ATP10A: variants seen among roughly 807,000 people sequenced by gnomAD.
ATP10A encodes ATPase phospholipid transporting 10A (putative).
A neutral mutation model predicts 147.8 loss-of-function variants in ATP10A; 111 were observed. The observed-to-expected ratio is 0.75, with a 90% CI of 0.64 to 0.88. The LOEUF is 0.88. ATP10A is among the 40% of genes least tolerant of loss of function. The probability of loss-of-function intolerance (pLI) is 0.00; values close to 1 mark genes in which losing one functional copy is unlikely to be tolerated. For synonymous variants in ATP10A, 875 were observed against 841.6 expected (o/e 1.04, Z -0.69); for missense variants, 1,927 against 1,959.0 (o/e 0.98, Z 0.31).
intron 1 of ATP10A, among the ~76,000 whole-genome samples, chr15:25,840,291 C>T (rs1892758861): frequency 6.6e-6 from 1 of 152,036 alleles, no homozygotes; most frequent in African/African-American, 2.4e-5. Context: ...ATTTCATCAC[C>T]CAGGTATTAA....
At chr15:25,750,607 T>A (rs904762344) in intron 2 of ATP10A, among the ~76,000 whole-genome samples, 1 of 152,174 alleles carries the variant, frequency 6.6e-6, no homozygotes, top group Non-Finnish European at 1.5e-5. Flanking sequence ...GCTCTTTTTA[T>A]GAGCATGGGT....
intron 13 of ATP10A, among the ~76,000 whole-genome samples, chr15:25,699,763 G>A (rs1421699839): frequency 2.0e-5 from 3 of 152,152 alleles, no homozygotes; most frequent in Non-Finnish European, 4.4e-5. Flanking sequence ...AGGTACTAGG[G>A]ATGCTGAGGC....
chr15:25,716,982 G>A, intron 8 of ATP10A, 58 bp from the exon 9 acceptor site: 1 of 1,388,360 alleles, frequency 7.2e-7, no homozygotes, highest in Admixed American at 2.6e-5. Flanking sequence ...AGGATCTTGG[G>A]GCGTGACTAT....
intron 1 of ATP10A, among the ~76,000 whole-genome samples, chr15:25,784,507 C>A (rs1296714631): frequency 1.3e-5 from 2 of 152,186 alleles, no homozygotes; most frequent in Non-Finnish European, 2.9e-5. Flanking sequence ...AGGAGATTCC[C>A]CCCTGAGGAC....
intron 16 of ATP10A, among the ~76,000 whole-genome samples, chr15:25,684,247 T>C (rs1899587852): frequency 6.6e-6 from 1 of 152,212 alleles, no homozygotes; most frequent in Non-Finnish European, 1.5e-5. Flanking sequence ...TATTGCTAGA[T>C]TCCTGAATAT....
At chr15:25,765,110 C>A (rs1888953966) in intron 2 of ATP10A, among the ~76,000 whole-genome samples, 1 of 152,156 alleles carries the variant, frequency 6.6e-6, no homozygotes. Context: ...GGTGAAGGAT[C>A]TCTGGGGAGC....
intron 2 of ATP10A, among the ~76,000 whole-genome samples, chr15:25,763,858 C>T (rs1888886154): frequency 6.6e-6 from 1 of 152,172 alleles, no homozygotes; most frequent in Non-Finnish European, 1.5e-5. Context: ...TTATTTAGAG[C>T]TTTTCAAAAG....
intron 15 of ATP10A, 113 bp downstream of exon 15, chr15:25,691,602 C>A (rs1363755166): frequency 2.8e-6 from 3 of 1,073,042 alleles, no homozygotes; most frequent in Non-Finnish European, 2.9e-6. Context: ...AAGGGCAAAC[C>A]CTTTAGCCTC....
At chr15:25,725,165 C>G (rs1373680051) in intron 5 of ATP10A, among the ~76,000 whole-genome samples, 2 of 152,132 alleles carry the variant, frequency 1.3e-5, no homozygotes, top group African/African-American at 4.8e-5. Context: ...GTGAATTGTG[C>G]ATGGGAGGGA....
chr15:25,718,365 C>G lies in ATP10A; in HGVS notation c.1398G>C (p.Ser466=). 6.2e-7 allele frequency: 1 copy of G among 1,607,790 alleles called. No homozygotes were observed. Among genetic ancestry groups the G allele is most frequent in the Non-Finnish European group, 8.5e-7 (1 of 1,178,826 alleles). Residue 466 remains serine (S), a synonymous_variant, in exon 8 of 21, where the codon TCG becomes TCC. Transcript: ENST00000555815. ...CTCTGGGCACCACCTCCTCCTCCTCCGAGTCTGCCTCTTGGTACCTGGCCA... is the reference window on the plus strand; with the variant it reads ...CTCTGGGCACCACCTCCTCCTCCTCGGAGTCTGCCTCTTGGTACCTGGCCA... ...QRLARYQEAD[S]EEEEVVPRGG... is the part of the protein sequence containing the mutation.
rs762118896 is a variant in ATP10A, at chr15:25,781,077, T to A, written c.596A>T (p.Asn199Ile). 6.2e-7 allele frequency: 1 copy of A among 1,614,154 alleles called. No individual in the cohort carries two copies. Among genetic ancestry groups the A allele is most frequent in the East Asian group, 2.2e-5 (1 of 44,878 alleles). ...PDGLCHIETA[N>I]LDGETNLKRR... ...CTTCAGGTTGGTCTCTCCATCCAGG[T>A]TGGCGGTCTCGATGTGGCATAGCCC... Residue 199 changes from asparagine (N) to isoleucine (I), a missense_variant, in exon 2 of 21, where the codon AAC becomes ATC. Coordinates refer to ENST00000555815, the MANE Select transcript of ATP10A (RefSeq NM_024490.4).
In ATP10A at chr15:25,862,633, G is replaced by T; in HGVS notation, c.449+15C>A. ...TGCGCCACCGCGCGCTCGCTCGCCCGCCCGCCCAACTCACCTGCTGAAGAC... is the reference window on the plus strand; with the variant it reads ...TGCGCCACCGCGCGCTCGCTCGCCCTCCCGCCCAACTCACCTGCTGAAGAC... On this transcript the variant is annotated intron_variant, in intron 1 of 20. Transcript: ENST00000555815. 9 of 1,542,406 alleles carry T rather than the reference G, an allele frequency of 5.8e-6. No individual in the cohort carries two copies. Among genetic ancestry groups the T allele is most frequent in the Middle Eastern group, 2.0e-4 (1 of 5,060 alleles).
chr15:25,791,651 C>T (rs1212500211), intron 1 of ATP10A, among the ~76,000 whole-genome samples: 1 of 152,166 alleles, frequency 6.6e-6, no homozygotes, highest in Non-Finnish European at 1.5e-5. Context: ...TCTCCCAAAG[C>T]ACTGTGATTA....
intron 2 of ATP10A, 136 bp downstream of exon 2, chr15:25,780,883 C>T: frequency 3.2e-6 from 3 of 946,772 alleles, no homozygotes; most frequent in Non-Finnish European, 4.7e-6. Flanking sequence ...CTCTCAGACC[C>T]TCAGACTCGT....
At chr15:25,773,731 T>C (rs1013301880) in intron 2 of ATP10A, among the ~76,000 whole-genome samples, 2 of 152,068 alleles carry the variant, frequency 1.3e-5, no homozygotes, top group Non-Finnish European at 2.9e-5. Context: ...CTTTGGAACA[T>C]ACACTTACTT....
chr15:25,721,804 G>A lies in ATP10A; in HGVS notation c.1216C>T (p.Gln406Ter). The change falls in exon 7 of 21, where the codon CAG becomes TAG. Residue 406 changes from glutamine (Q) to a stop codon, truncating the protein, a stop_gained. Coordinates refer to ENST00000555815, the MANE Select transcript of ATP10A (RefSeq NM_024490.4). LOFTEE classifies it high-confidence loss of function. ...MQLYDEETDSQLQCRALNITE... is the reference protein window; with the variant it reads ...MQLYDEETDS ...ATGTTCAGAGCTCGGCACTGCAGCT[G>A]CGAGTCTGTTTCTTCGTCATACAAC... is the stretch of plus-strand genomic sequence containing the variant. The A allele has an allele frequency of 6.2e-7, 1 of 1,614,160 alleles. No homozygotes were observed. Among genetic ancestry groups the A allele is most frequent in the Non-Finnish European group, 8.5e-7 (1 of 1,180,032 alleles).
intron 2 of ATP10A, among the ~76,000 whole-genome samples, chr15:25,747,674 A>C (rs1287371516): frequency 6.6e-6 from 1 of 152,224 alleles, no homozygotes; most frequent in Non-Finnish European, 1.5e-5. Flanking sequence ...AGTTTCTAAA[A>C]TTTAGAGTAG....
chr15:25,809,596 C>T (rs984899761), intron 1 of ATP10A, among the ~76,000 whole-genome samples: 5 of 152,124 alleles, frequency 3.3e-5, no homozygotes, highest in African/African-American at 1.2e-4. Context: ...CTGCTTTAAA[C>T]CCTTCGTTTT....
chr15:25,719,826 C>T (rs1902100112), intron 7 of ATP10A, among the ~76,000 whole-genome samples: 1 of 152,218 alleles, frequency 6.6e-6, no homozygotes, highest in South Asian at 2.1e-4. Context: ...ACACCCAAGG[C>T]TTCCACAGCC....
Sources: allele counts gnomAD v4.1 joint callset (sites outside exome capture counted in the v4.1 genomes callset), GRCh38; gene constraint gnomAD v4.1.1; transcripts MANE v1.5; gene names NCBI Gene and HGNC (gene_info 2026-07-23, HGNC 2026-07-21).